The following CFAP44 variants were observed in gnomAD, a reference collection of about 807,000 sequenced individuals.
CFAP44 encodes cilia and flagella associated protein 44.
In CFAP44, 134 loss-of-function variants were observed where a neutral mutation model predicts 216.2. The ratio of observed to expected loss-of-function variants is 0.62; its 90% CI spans 0.54 to 0.72. The LOEUF (loss-of-function observed/expected upper bound fraction) is 0.72, where lower values mean the gene tolerates loss of function less well. CFAP44 is among the 30% of genes least tolerant of loss of function. CFAP44 has a pLI of 0.00. For synonymous variants in CFAP44, 700 were observed against 727.6 expected (o/e 0.96, Z 0.61); for missense variants, 2,035 against 2,182.1 (o/e 0.93, Z 1.34).
intron 19 of CFAP44, among the ~76,000 whole-genome samples, chr3:113,365,799 A>T (rs1339474960): frequency 6.6e-6 from 1 of 152,186 alleles, no homozygotes; most frequent in Non-Finnish European, 1.5e-5. Flanking sequence ...ACTACATAGA[A>T]AAACTGACAC....
At position 113,381,063 on chromosome 3, in the gene CFAP44, A is replaced by G. The variant is rs757215558; in HGVS notation, c.1891-3T>C. The G allele has an allele frequency of 3.9e-6, 6 of 1,545,764 alleles. No homozygotes were observed. The highest frequency in any genetic ancestry group is 5.2e-6 in the Non-Finnish European group (6 of 1,152,460). Reference sequence around the variant, plus strand: ...ATAATTAGTAAAGTACTTTCAGGCTAAAAAAGAAAAATTGAACATATTTAC... The same window carrying G: ...ATAATTAGTAAAGTACTTTCAGGCTGAAAAAGAAAAATTGAACATATTTAC... On this transcript the variant is annotated splice_polypyrimidine_tract_variant and splice_region_variant and intron_variant, in intron 15 of 34. Transcript: ENST00000393845.
At chr3:113,293,813 T>C in intron 34 of CFAP44, 1 of 273,174 alleles carries the variant, frequency 3.7e-6, no homozygotes, top group Non-Finnish European at 7.3e-6. Flanking sequence ...TTTCTTACTT[T>C]GGGACTTTTG....
rs559307935 is a variant in CFAP44, at chr3:113,370,865, AAAC to A, written c.2444+2543_2444+2545del. 5.5e-3 allele frequency among the ~76,000 whole-genome samples: 839 copies of A among 152,250 alleles called. 10 individuals carry two copies. Among genetic ancestry groups the A allele is most frequent in the Non-Finnish European group, 9.6e-3 (652 of 68,024 alleles). On this transcript the variant is annotated intron_variant, in intron 18 of 34. Coordinates refer to ENST00000393845, the MANE Select transcript of CFAP44 (RefSeq NM_001164496.2). ...CAGCCCCAAATCTCCTTAAGCTGAT[AAAC>A]AACTTCGGCAAAGTCTCAGGATACA... is the stretch of plus-strand genomic sequence containing the variant.
At position 113,289,288 on chromosome 3, in the gene CFAP44, G is replaced by T. The variant is rs1470079535; in HGVS notation, c.*2269C>A. ...CATGCGGAATGAAGCCCTGAATATT[G>T]TAGAATTAACTAGTGATTTAGTCCA... is the stretch of plus-strand genomic sequence containing the variant. On this transcript the variant is annotated 3_prime_UTR_variant, in exon 35 of 35. Transcript: ENST00000393845. 2 of 152,202 alleles carry T rather than the reference G, an allele frequency of 1.3e-5. No homozygotes were observed. The highest frequency in any genetic ancestry group is 2.9e-5 in the Non-Finnish European group (2 of 68,030). The allele number at this position is 152,202 out of a possible 1,614,324, so 9.4% of individuals were successfully genotyped here.
At chr3:113,325,710 G>C (rs1363321974) in intron 28 of CFAP44, among the ~76,000 whole-genome samples, 2 of 152,030 alleles carry the variant, frequency 1.3e-5, no homozygotes, top group Non-Finnish European at 2.9e-5. Context: ...ATATAAAGAA[G>C]ATTATTCTAA....
chr3:113,398,015 G>A (rs949895597), intron 13 of CFAP44, among the ~76,000 whole-genome samples: 1 of 152,038 alleles, frequency 6.6e-6, no homozygotes, highest in African/African-American at 2.4e-5. Flanking sequence ...GAAGAGCCTG[G>A]GCATCCTGTA....
intron 18 of CFAP44, among the ~76,000 whole-genome samples, chr3:113,373,192 G>A (rs577071069): frequency 3.3e-5 from 5 of 152,214 alleles, no homozygotes; most frequent in South Asian, 2.1e-4. Context: ...TCAATTGTGC[G>A]ATAAACAAAA....
intron 34 of CFAP44, 129 bp from the exon 35 acceptor site, chr3:113,291,877 C>CG: frequency 9.8e-7 from 1 of 1,024,414 alleles, no homozygotes; most frequent in Non-Finnish European, 1.4e-6. Context: ...TCCTTAATCT[C>CG]GGGAGCCTTC....
intron 1 of CFAP44, among the ~76,000 whole-genome samples, chr3:113,437,792 TTTTG>T (rs138305977): frequency 0.05 from 7,619 of 152,000 alleles, 610 homozygotes; most frequent in African/African-American, 0.17. Flanking sequence ...TTTTTTGGGG[TTTTG>T]TTTGTTTGTT....
chr3:113,411,143 A>C (rs1934456061), intron 6 of CFAP44, among the ~76,000 whole-genome samples: 1 of 152,188 alleles, frequency 6.6e-6, no homozygotes, highest in Admixed American at 6.5e-5. Context: ...GAAGCTCTTT[A>C]GTTTAATTAG....
In CFAP44 at chr3:113,357,209, C is replaced by T. The variant is rs1950499862; in HGVS notation, c.3065+1536G>A. On this transcript the variant is annotated intron_variant, in intron 22 of 34. Coordinates refer to ENST00000393845, the MANE Select transcript of CFAP44 (RefSeq NM_001164496.2). ...GCTGGAATTTAAAGGGCTGACAATC[C>T]CAAGCATGAGTATTATGGATTTGTG... 2.0e-5 allele frequency among the ~76,000 whole-genome samples: 3 copies of T among 152,152 alleles called. 1 individual carries two copies. In the South Asian group the frequency reaches 6.2e-4, roughly 32 times the overall value.
chr3:113,348,675 C>T (rs1473630011), intron 22 of CFAP44, among the ~76,000 whole-genome samples: 2 of 152,122 alleles, frequency 1.3e-5, no homozygotes, highest in African/African-American at 4.8e-5. Context: ...CAAGGGACCA[C>T]AAAAACTCCC....
At chr3:113,305,229 T>C in intron 30 of CFAP44, 77 bp from the exon 31 acceptor site, 1 of 1,264,768 alleles carries the variant, frequency 7.9e-7, no homozygotes, top group Non-Finnish European at 1.1e-6. Flanking sequence ...TGAAGGCATC[T>C]TGGGAGGAAG....
chr3:113,346,895 C>A lies in CFAP44; in HGVS notation c.3066-2183G>T, dbSNP rs1950389931. On this transcript the variant is annotated intron_variant, in intron 22 of 34. Transcript: ENST00000393845. ...TTGCTCTTCACAATAAATCTTGCTGCTGCTCACTCTTTGGGTCCACACCAC... is the reference window on the plus strand; with the variant it reads ...TTGCTCTTCACAATAAATCTTGCTGATGCTCACTCTTTGGGTCCACACCAC... 2.0e-5 allele frequency among the ~76,000 whole-genome samples: 3 copies of A among 152,218 alleles called. No homozygotes were observed. In the South Asian group the frequency reaches 6.2e-4, roughly 32 times the overall value.
In CFAP44 at chr3:113,406,999, C is replaced by T; in HGVS notation, c.933G>A (p.Gln311=). 6.2e-7 allele frequency: 1 copy of T among 1,614,172 alleles called. No homozygotes were observed. Among genetic ancestry groups the T allele is most frequent in the Non-Finnish European group, 8.5e-7 (1 of 1,180,030 alleles). The change falls in exon 8 of 35, where the codon CAG becomes CAA. Residue 311 remains glutamine, a synonymous_variant. Coordinates refer to ENST00000393845, the MANE Select transcript of CFAP44 (RefSeq NM_001164496.2). ...TTTTGCCAAATCGACCTAGTGATCC[C>T]TGCAGCTTGAGACCGGTGAACGTAA... is the stretch of plus-strand genomic sequence containing the variant. ...MAFTFTGLKL[Q]GSLGRFGKTI...
rs1412793385 is a variant in CFAP44 at position 113,346,944 on chromosome 3, G to A, written c.3066-2232C>T. 3.9e-5 allele frequency among the ~76,000 whole-genome samples: 6 copies of A among 152,214 alleles called. No individual in the cohort carries two copies. The South Asian group carries it at 6.2e-4, about 16-fold the overall frequency. On this transcript the variant is annotated intron_variant, in intron 22 of 34. Coordinates refer to ENST00000393845, the MANE Select transcript of CFAP44 (RefSeq NM_001164496.2). ...ACCTTTATGAGCTATAACACTCACCGCGAAGGCCCGTGGCTTCATTCTTGA... is the reference window on the plus strand; with the variant it reads ...ACCTTTATGAGCTATAACACTCACCACGAAGGCCCGTGGCTTCATTCTTGA...
At chr3:113,419,910 CA>C in intron 5 of CFAP44, 106 bp downstream of exon 5, 1 of 1,188,864 alleles carries the variant, frequency 8.4e-7, no homozygotes, top group Non-Finnish European at 1.2e-6. Context: ...TGTGAACCCA[CA>C]ATACTGTGCA....
intron 28 of CFAP44, among the ~76,000 whole-genome samples, chr3:113,313,189 C>T (rs966986023): frequency 6.6e-6 from 1 of 152,092 alleles, no homozygotes; most frequent in Non-Finnish European, 1.5e-5. Flanking sequence ...CCATGGGAAC[C>T]CACCTCTTGG....
At position 113,341,919 on chromosome 3, in the gene CFAP44, C is replaced by G; in HGVS notation, c.3263-1G>C. On this transcript the variant is annotated splice_acceptor_variant, in intron 23 of 34. Transcript: ENST00000393845. LOFTEE classifies it high-confidence loss of function. ...TCTTCTTGTATGGTAACACTCCCAC[C>G]TACATAGAGAATCAACATTTTTCAG... The G allele has an allele frequency of 6.6e-7, 1 of 1,507,388 alleles. No individual in the cohort carries two copies. Among genetic ancestry groups the G allele is most frequent in the Non-Finnish European group, 8.8e-7 (1 of 1,139,426 alleles). The allele number at this position is 1,507,388 out of a possible 1,614,324, so 93.4% of individuals were successfully genotyped here.
Sources: allele counts gnomAD v4.1 joint callset (sites outside exome capture counted in the v4.1 genomes callset), GRCh38; gene constraint gnomAD v4.1.1; transcripts MANE v1.5; gene names NCBI Gene and HGNC (gene_info 2026-07-23, HGNC 2026-07-21).